SLC7A10: variants seen among roughly 807,000 people sequenced by gnomAD.
SLC7A10 encodes solute carrier family 7 member 10, also known as asc-type amino acid transporter 1.
Under a neutral mutation model 52.7 loss-of-function variants are expected in SLC7A10, and 30 were observed. The ratio of observed to expected loss-of-function variants is 0.57; its 90% CI spans 0.43 to 0.77. SLC7A10 has a LOEUF of 0.77. SLC7A10 is among the 30% of genes least tolerant of loss of function. The pLI, the probability that SLC7A10 is intolerant of heterozygous loss-of-function variation, is 0.00. For missense variants in SLC7A10, 581 were observed against 698.5 expected, an observed-to-expected ratio of 0.83 and a Z score of 1.90; for synonymous variants, 318 against 314.9, an observed-to-expected ratio of 1.01 and a Z score of -0.10.
intron 7 of SLC7A10, 69 bp downstream of exon 7, chr19:33,211,156 C>T (rs753883240): frequency 1.2e-4 from 183 of 1,467,756 alleles, no homozygotes; most frequent in African/African-American, 6.8e-4. Context: ...CTCTGGCCCA[C>T]GGCATGACTG....
intron 2 of SLC7A10, among the ~76,000 whole-genome samples, chr19:33,214,295 C>T (rs571204337): frequency 3.9e-5 from 6 of 152,248 alleles, no homozygotes; most frequent in Admixed American, 2.0e-4. Flanking sequence ...CGGCCCATAT[C>T]CCTCAGAACC....
At chr19:33,215,695 A>G (rs1974662855) in intron 2 of SLC7A10, 74 bp downstream of exon 2, 1 of 1,464,846 alleles carries the variant, frequency 6.8e-7, no homozygotes, top group Admixed American at 2.2e-5. Context: ...AGGAGTGGAA[A>G]CTGATGCCAG....
chr19:33,209,396 G>A lies in SLC7A10; in HGVS notation c.1353C>T (p.Val451=), dbSNP rs750220734. The A allele has an allele frequency of 4.4e-5, 71 of 1,613,916 alleles. No individual in the cohort carries two copies. The highest frequency in any genetic ancestry group is 8.3e-5 in the Admixed American group (5 of 60,002). The change falls in exon 10 of 11, where the codon GTC becomes GTT. Residue 451 remains valine (V), a synonymous_variant. Transcript: ENST00000253188. Reference sequence around the variant, plus strand: ...CCCCCGTAAGGATGATGATGACGCCGACCCCACAGACCATAGGCTCTGAGA... The same window carrying A: ...CCCCCGTAAGGATGATGATGACGCCAACCCCACAGACCATAGGCTCTGAGA... The part of the protein sequence containing the change: ...SFISEPMVCG[V]GVIIILTGVP...
rs1373734177 is a variant in SLC7A10, at chr19:33,215,812, C to T, written c.313G>A (p.Gly105Arg). ...ATCTCTGTGACGTAGGCGTAGTCCC[C>T]GCCAGACTTGGGGATGGCGACTCCC... is the stretch of plus-strand genomic sequence containing the variant. The part of the protein sequence containing the change: ...ELGVAIPKSG[G>R]DYAYVTEIFG... Residue 105 changes from glycine to arginine, a missense_variant, in exon 2 of 11, where the codon GGG becomes AGG. Gly to Arg is a moderately radical substitution (Grantham distance 125, BLOSUM62 -2). Coordinates refer to ENST00000253188, the MANE Select transcript of SLC7A10 (RefSeq NM_019849.3). 2.3e-5 allele frequency: 36 copies of T among 1,577,742 alleles called. No homozygotes were observed. Among genetic ancestry groups the T allele is most frequent in the South Asian group, 3.5e-5 (3 of 86,112 alleles).
At position 33,215,903 on chromosome 19, in the gene SLC7A10, C is replaced by T; in HGVS notation, c.222G>A (p.Leu74=). The change falls in exon 2 of 11, where the codon CTG becomes CTA. Residue 74 remains leucine, a synonymous_variant. Coordinates refer to ENST00000253188, the MANE Select transcript of SLC7A10 (RefSeq NM_019849.3). ...CACCCAGGACCCAGACGAACAGGGC[C>T]AGACCCACGGAGCCTGAGTGCTCCA... ...GVLEHSGSVG[L]ALFVWVLGGG... The T allele has an allele frequency of 6.2e-7, 1 of 1,611,236 alleles. No individual in the cohort carries two copies. Among genetic ancestry groups the T allele is most frequent in the East Asian group, 2.2e-5 (1 of 44,828 alleles).
Position 33,212,538 on chromosome 19 carries a change from C to T in SLC7A10, c.610G>A (p.Val204Met), listed in dbSNP as rs986438910. 1.6e-5 allele frequency: 26 copies of T among 1,614,042 alleles called. No individual in the cohort carries two copies. Among genetic ancestry groups the T allele is most frequent in the South Asian group, 3.3e-5 (3 of 91,086 alleles). ...KLLALSLIIG[V>M]GLLQIFQGHF... ...CCTTGGAAGATCTGGAGAAGGCCCA[C>T]GCCGATGATGAGGGACAAGGCCAGC... is the stretch of plus-strand genomic sequence containing the variant. The change falls in exon 4 of 11, where the codon GTG becomes ATG. Residue 204 changes from valine to methionine, a missense_variant. Val to Met is a conservative substitution (Grantham distance 21, BLOSUM62 1). Coordinates refer to ENST00000253188, the MANE Select transcript of SLC7A10 (RefSeq NM_019849.3).
intron 1 of SLC7A10, 97 bp from the exon 2 acceptor site, chr19:33,216,070 C>T (rs1223901654): frequency 3.4e-6 from 4 of 1,162,536 alleles, no homozygotes; most frequent in Non-Finnish European, 3.6e-6. Flanking sequence ...GGAAGACAGC[C>T]CGGGGTGCTT....
intron 1 of SLC7A10, among the ~76,000 whole-genome samples, chr19:33,218,112 G>A (rs542479858): frequency 6.6e-6 from 1 of 152,252 alleles, no homozygotes; most frequent in African/African-American, 2.4e-5. Context: ...CTTGGAAGGA[G>A]CTGAGCATGT....
Position 33,208,786 on chromosome 19 carries a change from T to G in SLC7A10, c.*105A>C, listed in dbSNP as rs998845322. Reference sequence around the variant, plus strand: ...ACAGGCTTCTGAGAGTCGTATCTTTTTTCTTTTTTTTCCAGAAAAAAACAA... The same window carrying G: ...ACAGGCTTCTGAGAGTCGTATCTTTGTTCTTTTTTTTCCAGAAAAAAACAA... On this transcript the variant is annotated 3_prime_UTR_variant, in exon 11 of 11. Coordinates refer to ENST00000253188, the MANE Select transcript of SLC7A10 (RefSeq NM_019849.3). The surrounding 1 kb of genome is among the most constrained non-coding windows in gnomAD (Gnocchi z 4.7). 2.6e-6 allele frequency: 4 copies of G among 1,509,454 alleles called. No individual in the cohort carries two copies. The African/African-American group carries it at 5.5e-5, about 21-fold the overall frequency. The allele number at this position is 1,509,454 out of a possible 1,614,324, so 93.5% of individuals were successfully genotyped here.
intron 2 of SLC7A10, among the ~76,000 whole-genome samples, chr19:33,214,607 C>T (rs1182834318): frequency 2.0e-5 from 3 of 152,256 alleles, no homozygotes; most frequent in Non-Finnish European, 2.9e-5. Flanking sequence ...CTGCGCTCAC[C>T]TGGGCCACCA....
At position 33,208,764 on chromosome 19, in the gene SLC7A10, G is replaced by C. The variant is rs138530865; in HGVS notation, c.*127C>G. 4.9e-4 allele frequency: 609 copies of C among 1,244,372 alleles called. 12 individuals carry two copies. In the South Asian group the frequency reaches 7.5e-3, roughly 15 times the overall value. 77.1% of individuals were successfully genotyped at this position (1,244,372 alleles called of 1,614,324 possible). ...CCACATTTTAGGGCTTCCTTAAACA[G>C]GCTTCTGAGAGTCGTATCTTTTTTC... On this transcript the variant is annotated 3_prime_UTR_variant, in exon 11 of 11. Transcript: ENST00000253188. The surrounding 1 kb of genome is among the most constrained non-coding windows in gnomAD (Gnocchi z 4.7).
chr19:33,220,619 C>T (rs1974793245), intron 1 of SLC7A10, among the ~76,000 whole-genome samples: 1 of 152,150 alleles, frequency 6.6e-6, no homozygotes, highest in Non-Finnish European at 1.5e-5. Context: ...ATTACCTTGA[C>T]TTCTGCTGGC....
Position 33,210,917 on chromosome 19 carries a change from A to T in SLC7A10, c.1017-19T>A, listed in dbSNP as rs575027506. 4 of 1,608,696 alleles carry T rather than the reference A, an allele frequency of 2.5e-6. No individual in the cohort carries two copies. In the South Asian group the frequency reaches 4.4e-5, roughly 18 times the overall value. ...GCACAGCCTAGCGTTGGGGACAGAT[A>T]TGGGCACTGGCCACATCCTGGGTCT... On this transcript the variant is annotated intron_variant, in intron 7 of 10. Transcript: ENST00000253188. This position sits in a 1 kb window ranked among gnomAD's most constrained non-coding sequence, Gnocchi z 5.6.
chr19:33,211,192 C>T (rs760317685), intron 7 of SLC7A10, 33 bp downstream of exon 7: 5 of 1,600,134 alleles, frequency 3.1e-6, no homozygotes, highest in Admixed American at 3.3e-5. Flanking sequence ...CCAGCCTTCC[C>T]TCCCCATGCC....
rs79717007 is a variant in SLC7A10 at position 33,215,789 on chromosome 19, C to G, written c.336G>C (p.Glu112Asp). 5.1e-4 allele frequency: 800 copies of G among 1,561,716 alleles called. 7 individuals are homozygous for G. The African/African-American group carries it at 0.01, about 20-fold the overall frequency. ...KSGGDYAYVT[E>D]IFGGLAGFLL... Reference sequence around the variant, plus strand: ...CTCACCCAGCCAGGCCCCCGAAGATCTCTGTGACGTAGGCGTAGTCCCCGC... The same window carrying G: ...CTCACCCAGCCAGGCCCCCGAAGATGTCTGTGACGTAGGCGTAGTCCCCGC... The change falls in exon 2 of 11, where the codon GAG becomes GAC. Residue 112 changes from glutamate (E) to aspartate (D), a missense_variant. Transcript: ENST00000253188.
chr19:33,211,045 C>T, intron 7 of SLC7A10, 147 bp from the exon 8 acceptor site: 1 of 981,508 alleles, frequency 1.0e-6, no homozygotes, highest in Non-Finnish European at 1.6e-6. Context: ...GCCTGCCTGC[C>T]TCTTGCTTTC....
intron 1 of SLC7A10, 62 bp from the exon 2 acceptor site, chr19:33,216,035 T>G (rs1033211596): frequency 1.4e-6 from 2 of 1,405,162 alleles, no homozygotes; most frequent in East Asian, 2.5e-5. Context: ...CGGCCTTCTG[T>G]GTGGGGATCT....
chr19:33,212,446 C>T lies in SLC7A10; in HGVS notation c.635-1G>A. ...CTGGGCCTCAGCTCCTCGAAGTGTC[C>T]TGGAGGCCCAGAAGTCGGGGGTCAG... On this transcript the variant is annotated splice_acceptor_variant, in intron 4 of 10. Coordinates refer to ENST00000253188, the MANE Select transcript of SLC7A10 (RefSeq NM_019849.3). LOFTEE classifies it high-confidence loss of function. 6.2e-7 allele frequency: 1 copy of T among 1,613,914 alleles called. No individual in the cohort carries two copies.
intron 1 of SLC7A10, among the ~76,000 whole-genome samples, chr19:33,223,325 A>AAG (rs1974853310): frequency 7.0e-6 from 1 of 142,308 alleles, no homozygotes; most frequent in African/African-American, 2.6e-5. Flanking sequence ...AAAAAAAAAA[A>AAG]AAAGAAAGAA....
Sources: gnomAD v4.1 joint callset for allele counts (sites outside exome capture counted in the v4.1 genomes callset) on GRCh38, gnomAD v4.1.1 for gene constraint, Gnocchi (gnomAD v3.1) non-coding constraint, MANE v1.5 for transcripts, NCBI Gene and HGNC (gene_info 2026-07-23, HGNC 2026-07-21) for gene names.